The following ABCC1 variants were observed in gnomAD, a reference collection of about 807,000 sequenced individuals.
ABCC1 encodes multidrug resistance-associated protein 1.
In ABCC1, 83 loss-of-function variants were observed where a neutral mutation model predicts 172.9. The ratio of observed to expected loss-of-function variants is 0.48; its 90% CI spans 0.40 to 0.58. The LOEUF (loss-of-function observed/expected upper bound fraction) is 0.58. Among genes scored for constraint, ABCC1 ranks in the 20% least tolerant of loss-of-function variants. The probability of loss-of-function intolerance (pLI) is 0.00; values close to 1 mark genes in which losing one functional copy is unlikely to be tolerated. For synonymous variants in ABCC1, 937 were observed against 825.2 expected (o/e 1.14, Z -2.32); for missense variants, 1,817 against 2,002.7 (o/e 0.91, Z 1.77).
At chr16:16,128,136 A>G (rs1185913082) in intron 26 of ABCC1, among the ~76,000 whole-genome samples, 1 of 151,124 alleles carries the variant, frequency 6.6e-6, no homozygotes, top group African/African-American at 2.4e-5. Context: ...TGAATTTCAC[A>G]TGCCATGGAA....
In ABCC1 at chr16:16,027,286, T is replaced by C. The variant is rs964322789; in HGVS notation, c.616-5823T>C. ...ACTTGAGGCTTTGCATCCCATACAC[T>C]GTCTGTGGCAACCCCTAACTCCGCT... On this transcript the variant is annotated intron_variant, in intron 5 of 30. Coordinates refer to ENST00000399410, the MANE Select transcript of ABCC1 (RefSeq NM_004996.4). Among the ~76,000 whole-genome samples, 19 of 152,286 alleles carry C rather than the reference T, an allele frequency of 1.2e-4. No homozygotes were observed. The South Asian group carries it at 1.7e-3, about 13-fold the overall frequency.
intron 4 of ABCC1, among the ~76,000 whole-genome samples, 166 bp downstream of exon 4, chr16:16,014,794 A>G (rs930250815): frequency 6.6e-6 from 1 of 152,062 alleles, no homozygotes; most frequent in African/African-American, 2.4e-5. Flanking sequence ...CCAAATCCTC[A>G]CTAAATCAGC....
At chr16:16,103,160 G>A (rs1022451058) in intron 20 of ABCC1, among the ~76,000 whole-genome samples, 1 of 152,006 alleles carries the variant, frequency 6.6e-6, no homozygotes, top group Non-Finnish European at 1.5e-5. Flanking sequence ...GACCACAGTG[G>A]GTAACATAGC....
rs115343186 is a variant in ABCC1, at chr16:16,042,151, G to C, written c.810-2299G>C. Among the ~76,000 whole-genome samples the C allele has an allele frequency of 7.1e-3, 1,059 of 148,744 alleles. 11 individuals carry two copies. Among genetic ancestry groups the C allele is most frequent in the African/African-American group, 0.025 (1,023 of 40,288 alleles). ...GCTGGCATGAATGTGAAATGCTTCTGTGACTCTGGAAGAGTTTGGCAGTTT... is the reference window on the plus strand; with the variant it reads ...GCTGGCATGAATGTGAAATGCTTCTCTGACTCTGGAAGAGTTTGGCAGTTT... On this transcript the variant is annotated intron_variant, in intron 7 of 30. Transcript: ENST00000399410.
chr16:15,966,537 G>A (rs215095), intron 1 of ABCC1, among the ~76,000 whole-genome samples: 131,487 of 152,008 alleles, frequency 0.87, 57,136 homozygotes, highest in African/African-American at 0.91. Context: ...GTTATAATTA[G>A]GTTGGCTTAT....
In ABCC1 at chr16:15,984,276, G is replaced by A. The variant is rs1339078403; in HGVS notation, c.49-23540G>A. 2.0e-5 allele frequency among the ~76,000 whole-genome samples: 3 copies of A among 152,150 alleles called. No homozygotes were observed. In the East Asian group the frequency reaches 5.8e-4, roughly 29 times the overall value. ...GGTCCAGTTTTTAAGTGAAAACGTG[G>A]AGATCCACTTGGTATATTTGGTATG... On this transcript the variant is annotated intron_variant, in intron 1 of 30. Coordinates refer to ENST00000399410, the MANE Select transcript of ABCC1 (RefSeq NM_004996.4).
At chr16:15,974,225 T>G (rs1437133592) in intron 1 of ABCC1, among the ~76,000 whole-genome samples, 1 of 151,914 alleles carries the variant, frequency 6.6e-6, no homozygotes, top group African/African-American at 2.4e-5. Flanking sequence ...AAGTGGGAGA[T>G]TTTATTATTT....
intron 5 of ABCC1, among the ~76,000 whole-genome samples, chr16:16,027,380 CTT>C (rs1382338936): frequency 6.6e-6 from 1 of 152,148 alleles, no homozygotes; most frequent in Non-Finnish European, 1.5e-5. Context: ...TCCAATGAAA[CTT>C]TATTTATAAA....
At chr16:16,097,921 C>T (rs1380598484) in intron 19 of ABCC1, 1 of 152,358 alleles carries the variant, frequency 6.6e-6, no homozygotes, top group Non-Finnish European at 1.5e-5. Context: ...ATATGACCCA[C>T]TTCATGCCCT....
At chr16:16,116,244 C>T (rs2044859142) in intron 23 of ABCC1, among the ~76,000 whole-genome samples, 1 of 152,018 alleles carries the variant, frequency 6.6e-6, no homozygotes, top group Non-Finnish European at 1.5e-5. Context: ...AAGGTGGCTG[C>T]TGGAGCTCCA....
rs2047317412 is a variant in ABCC1, at chr16:16,001,683, A to G, written c.49-6133A>G. Among the ~76,000 whole-genome samples, 4 of 152,222 alleles carry G rather than the reference A, an allele frequency of 2.6e-5. 1 individual carries two copies. The South Asian group carries it at 8.3e-4, about 32-fold the overall frequency. The stretch of plus-strand genomic sequence containing the variant: ...AGACCCTCAGTTTTACTCATGATAA[A>G]GAGAAAAGGAACTTAAACTACACAG... On this transcript the variant is annotated intron_variant, in intron 1 of 30. Transcript: ENST00000399410.
chr16:16,111,388 T>C lies in ABCC1; in HGVS notation c.2885T>C (p.Val962Ala). 6.2e-7 allele frequency: 1 copy of C among 1,614,138 alleles called. No homozygotes were observed. The highest frequency in any genetic ancestry group is 8.5e-7 in the Non-Finnish European group (1 of 1,180,018). The change falls in exon 22 of 31, where the codon GTG becomes GCG. Residue 962 changes from valine (V) to alanine (A), a missense_variant. Transcript: ENST00000399410. ...KAQTGQVKLS[V>A]YWDYMKAIGL... The stretch of plus-strand genomic sequence containing the variant: ...TGTGATCTCCAGGTCAAGCTTTCCG[T>C]GTACTGGGACTACATGAAGGCCATC...
rs8187848 is a variant in ABCC1, at chr16:16,036,483, G to C, written c.689G>C (p.Arg230Pro). ...TGTCTTGGCCCCAGGTTGATTGTCCGGGGCTACCGCCAGCCCCTGGAGGGC... is the reference window on the plus strand; with the variant it reads ...TGTCTTGGCCCCAGGTTGATTGTCCCGGGCTACCGCCAGCCCCTGGAGGGC... ...TFWWITGLIV[R>P]GYRQPLEGSD... Residue 230 changes from arginine to proline, a missense_variant, in exon 7 of 31, where the codon CGG (arginine) becomes CCG (proline). Physicochemically the swap from Arg to Pro is moderately radical, Grantham distance 103. Around this residue, in one of 3 missense-constraint regions of ABCC1, gnomAD observed 398 missense variants for 384.2 expected, o/e 1.04. Coordinates refer to ENST00000399410, the MANE Select transcript of ABCC1 (RefSeq NM_004996.4). 4.7e-5 allele frequency: 76 copies of C among 1,613,096 alleles called. No homozygotes were observed. The highest frequency in any genetic ancestry group is 1.3e-5 in the African/African-American group (1 of 74,896).
At chr16:16,084,404 C>T (rs1431067172) in intron 17 of ABCC1, among the ~76,000 whole-genome samples, 3 of 148,630 alleles carry the variant, frequency 2.0e-5, no homozygotes, top group Non-Finnish European at 4.4e-5. Context: ...CTCTCTGTCG[C>T]CCAGGCTAGA....
intron 19 of ABCC1, among the ~76,000 whole-genome samples, chr16:16,094,734 C>G (rs910680158): frequency 2.0e-5 from 3 of 150,430 alleles, no homozygotes; most frequent in African/African-American, 7.4e-5. Context: ...TCAGGATGGT[C>G]TCGATCTCTT....
intron 20 of ABCC1, among the ~76,000 whole-genome samples, chr16:16,105,833 C>T (rs2052067380): frequency 6.8e-6 from 1 of 147,754 alleles, no homozygotes; most frequent in Non-Finnish European, 1.5e-5. Context: ...GTGATCATCT[C>T]TGGGGGTCTG....
intron 5 of ABCC1, among the ~76,000 whole-genome samples, chr16:16,028,873 G>T (rs1016970973): frequency 2.6e-5 from 4 of 152,150 alleles, no homozygotes; most frequent in Admixed American, 1.3e-4. Flanking sequence ...ACCCAGGTCT[G>T]TCCGGGTCCA....
intron 19 of ABCC1, among the ~76,000 whole-genome samples, chr16:16,097,531 G>T (rs2051536479): frequency 6.6e-6 from 1 of 152,216 alleles, no homozygotes; most frequent in African/African-American, 2.4e-5. Context: ...GCTGTTCAAG[G>T]CATGTCCTGC....
rs35934123 is a variant in ABCC1 at position 16,111,470 on chromosome 16, G to A, written c.2967G>A (p.Ala989=). The change falls in exon 22 of 31, where the codon GCG becomes GCA. Residue 989 remains alanine, a synonymous_variant. Coordinates refer to ENST00000399410, the MANE Select transcript of ABCC1 (RefSeq NM_004996.4). ...TTTTCATGTGTAACCATGTGTCCGCGCTGGCTTCCAACTATTGGCTCAGCC... is the reference window on the plus strand; with the variant it reads ...TTTTCATGTGTAACCATGTGTCCGCACTGGCTTCCAACTATTGGCTCAGCC... ...IFLFMCNHVS[A]LASNYWLSLW... 357 of 1,613,982 alleles carry A rather than the reference G, an allele frequency of 2.2e-4. No individual in the cohort carries two copies. Among genetic ancestry groups the A allele is most frequent in the Non-Finnish European group, 2.8e-4 (330 of 1,180,024 alleles).
Sources: gnomAD v4.1 joint callset for allele counts (sites outside exome capture counted in the v4.1 genomes callset) on GRCh38, gnomAD v4.1.1 for gene constraint, gnomAD v4.1.1 regional missense constraint, MANE v1.5 for transcripts, NCBI Gene and HGNC (gene_info 2026-07-23, HGNC 2026-07-21) for gene names.